XKR3: variants seen among roughly 807,000 people sequenced by gnomAD.
XKR3 encodes XK related 3.
XKR3 carries 27 observed loss-of-function variants against 40.3 expected under a neutral mutation model. That is an observed-to-expected ratio of 0.67 (90% CI 0.49 to 0.92). The LOEUF (loss-of-function observed/expected upper bound fraction) is 0.92. XKR3 is among the 40% of genes least tolerant of loss of function. The probability of loss-of-function intolerance (pLI) is 0.00; values close to 1 mark genes in which losing one functional copy is unlikely to be tolerated. For missense variants in XKR3, 472 were observed against 537.6 expected (o/e 0.88, Z 1.21); for synonymous variants, 193 against 195.4 (o/e 0.99, Z 0.10).
At position 16,783,508 on chromosome 22, in the gene XKR3, T is replaced by C. The variant is rs1288443694; in HGVS notation, c.*111A>G. On this transcript the variant is annotated 3_prime_UTR_variant, in exon 4 of 4. Coordinates refer to ENST00000684488, the MANE Select transcript of XKR3 (RefSeq NM_001386955.1). ...ACAGGAGAACATAAATGAATTTTAT[T>C]AGAAACCACTTCCAAGATTTTGCTG... 27 of 877,544 alleles carry C rather than the reference T, an allele frequency of 3.1e-5. No homozygotes were observed. In the Admixed American group the frequency reaches 9.6e-4, roughly 31 times the overall value. 54.4% of individuals were successfully genotyped at this position (877,544 alleles called of 1,614,324 possible).
rs747187181 is a variant in XKR3 at position 16,820,063 on chromosome 22, A to G, written c.-11+5228T>C. ...ATGCTGGTGAAGATGTAGAAATAAC[A>G]AGCCACTCATGCGTTGTTTGGTGGC... On this transcript the variant is annotated intron_variant, in intron 1 of 3. Coordinates refer to ENST00000684488, the MANE Select transcript of XKR3 (RefSeq NM_001386955.1). Among the ~76,000 whole-genome samples the G allele has an allele frequency of 6.3e-4, 96 of 152,174 alleles. 1 individual carries two copies. Among genetic ancestry groups the G allele is most frequent in the African/African-American group, 1.8e-3 (73 of 41,442 alleles).
intron 3 of XKR3, 52 bp downstream of exon 3, chr22:16,799,719 G>C: frequency 1.9e-6 from 3 of 1,588,696 alleles, no homozygotes; most frequent in Non-Finnish European, 2.6e-6. Context: ...TATTATATTA[G>C]TACACTTTAT....
intron 1 of XKR3, among the ~76,000 whole-genome samples, chr22:16,818,297 C>T (rs547521781): frequency 8.5e-5 from 13 of 152,162 alleles, no homozygotes; most frequent in East Asian, 5.8e-4. Context: ...TAAAACACCA[C>T]GGACATAATG....
chr22:16,815,257 T>G (rs938012933), intron 1 of XKR3, among the ~76,000 whole-genome samples: 1 of 152,116 alleles, frequency 6.6e-6, no homozygotes, highest in Non-Finnish European at 1.5e-5. Context: ...GCATAGCTGA[T>G]TCTTGAATAT....
intron 3 of XKR3, among the ~76,000 whole-genome samples, chr22:16,796,897 G>T (rs2060143551): frequency 6.6e-6 from 1 of 152,126 alleles, no homozygotes; most frequent in African/African-American, 2.4e-5. Context: ...ACCCAGTGAT[G>T]TTACACTACC....
intron 2 of XKR3, 145 bp downstream of exon 2, chr22:16,807,594 A>G (rs1176713101): frequency 1.2e-6 from 1 of 815,796 alleles, no homozygotes; most frequent in Non-Finnish European, 1.9e-6. Context: ...AACAGTTACG[A>G]AAGTGTGAAA....
At chr22:16,796,426 T>C (rs1378319692) in intron 3 of XKR3, among the ~76,000 whole-genome samples, 1 of 152,082 alleles carries the variant, frequency 6.6e-6, no homozygotes, top group East Asian at 1.9e-4. Flanking sequence ...CTGGCCAATA[T>C]CCCTCATGAA....
At position 16,799,922 on chromosome 22, in the gene XKR3, T is replaced by C; in HGVS notation, c.438A>G (p.Glu146=). 1.2e-6 allele frequency: 2 copies of C among 1,614,118 alleles called. No homozygotes were observed. Among genetic ancestry groups the C allele is most frequent in the Non-Finnish European group, 1.7e-6 (2 of 1,180,004 alleles). ...CCCGGATTGAGAATGCAATCTCCCT[T>C]TCCAGCATCGTGTTTCTCTTTGTGA... ...VSITKRNTML[E]REIAFSIRDN... Residue 146 remains glutamate, a synonymous_variant, in exon 3 of 4, where the codon GAA becomes GAG. Transcript: ENST00000684488.
chr22:16,786,593 A>G (rs2060091857), intron 3 of XKR3, among the ~76,000 whole-genome samples: 1 of 152,202 alleles, frequency 6.6e-6, no homozygotes, highest in African/African-American at 2.4e-5. Context: ...CCAGTGCTCT[A>G]CTGTGGGCTA....
chr22:16,811,604 T>C (rs1271766184), intron 1 of XKR3, among the ~76,000 whole-genome samples: 1 of 152,232 alleles, frequency 6.6e-6, no homozygotes, highest in Non-Finnish European at 1.5e-5. Context: ...ATGTATAACA[T>C]GAACTAAAAT....
intron 3 of XKR3, among the ~76,000 whole-genome samples, chr22:16,791,331 CTG>C (rs1368655780): frequency 6.6e-6 from 1 of 151,290 alleles, no homozygotes; most frequent in South Asian, 2.1e-4. Context: ...AAAAAAGACT[CTG>C]TGGATATAGA....
Position 16,809,580 on chromosome 22 carries a change from C to T in XKR3, c.-10-1497G>A, listed in dbSNP as rs180915675. On this transcript the variant is annotated intron_variant, in intron 1 of 3. Transcript: ENST00000684488. ...GTTTCTCAAAAGTCATCAGTGACAC[C>T]CTAATTGCTAAATGTAATATGTTAC... 1.7e-3 allele frequency among the ~76,000 whole-genome samples: 257 copies of T among 152,170 alleles called. 3 individuals carry two copies. The highest frequency in any genetic ancestry group is 0.016 in the Admixed American group (239 of 15,294).
At chr22:16,794,683 A>G (rs2146149210) in intron 3 of XKR3, among the ~76,000 whole-genome samples, 1 of 152,288 alleles carries the variant, frequency 6.6e-6, no homozygotes, top group East Asian at 1.9e-4. Context: ...CCAGCTAACA[A>G]CATAACAGGA....
intron 1 of XKR3, among the ~76,000 whole-genome samples, chr22:16,823,248 A>G (rs2060263543): frequency 6.6e-6 from 1 of 152,194 alleles, no homozygotes; most frequent in Non-Finnish European, 1.5e-5. Flanking sequence ...CAATGATAAC[A>G]TCATTAGAAT....
chr22:16,816,154 C>T (rs900744522), intron 1 of XKR3, among the ~76,000 whole-genome samples: 21 of 151,948 alleles, frequency 1.4e-4, no homozygotes, highest in African/African-American at 5.1e-4. Context: ...GCATTTACAT[C>T]TAATATGATT....
At chr22:16,788,378 A>G (rs908039358) in intron 3 of XKR3, among the ~76,000 whole-genome samples, 3 of 152,134 alleles carry the variant, frequency 2.0e-5, no homozygotes, top group African/African-American at 7.2e-5. Context: ...AAAAACAAAA[A>G]GCTAAAATCA....
chr22:16,812,254 G>A (rs1004376493), intron 1 of XKR3, among the ~76,000 whole-genome samples: 2 of 152,138 alleles, frequency 1.3e-5, no homozygotes, highest in Non-Finnish European at 2.9e-5. Context: ...GGCACATTCA[G>A]TACTTTTGTT....
At chr22:16,811,413 A>G (rs2060212227) in intron 1 of XKR3, among the ~76,000 whole-genome samples, 1 of 152,122 alleles carries the variant, frequency 6.6e-6, no homozygotes, top group Non-Finnish European at 1.5e-5. Flanking sequence ...CCCTGAGTCC[A>G]CCGTGGCTGG....
chr22:16,810,359 G>T lies in XKR3; in HGVS notation c.-10-2276C>A, dbSNP rs113901165. Among the ~76,000 whole-genome samples the T allele has an allele frequency of 5.7e-3, 864 of 152,182 alleles. 11 individuals are homozygous for T. Among genetic ancestry groups the T allele is most frequent in the African/African-American group, 0.02 (830 of 41,520 alleles). On this transcript the variant is annotated intron_variant, in intron 1 of 3. Coordinates refer to ENST00000684488, the MANE Select transcript of XKR3 (RefSeq NM_001386955.1). ...ACGTCCTGCTGCTAAGGCACATAAG[G>T]TCATCCTTAATGCTTTTCTTTTCAT...
Sources: gnomAD v4.1 joint callset for allele counts (sites outside exome capture counted in the v4.1 genomes callset) on GRCh38, gnomAD v4.1.1 for gene constraint, MANE v1.5 for transcripts, NCBI Gene and HGNC (gene_info 2026-07-23, HGNC 2026-07-21) for gene names.